Variants in HYDIN observed in about 807,000 individuals in gnomAD.
The protein encoded by HYDIN is HYDIN axonemal central pair apparatus protein, also known as axonemal central pair apparatus protein HYDIN.
In HYDIN, 132 loss-of-function variants were observed where a neutral mutation model predicts 403.9. The ratio of observed to expected loss-of-function variants is 0.33; its 90% confidence interval spans 0.28 to 0.38. HYDIN has a LOEUF of 0.38. HYDIN is among the 10% of genes least tolerant of loss of function. The pLI, the probability that HYDIN is intolerant of heterozygous loss-of-function variation, is 1.00. For missense variants in HYDIN, 2,827 were observed against 5,009.5 expected (o/e 0.56, Z 13.15); for synonymous variants, 1,202 against 1,891.7 (o/e 0.64, Z 9.46).
At chr16:71,041,674 A>T (rs1224438097) in intron 18 of HYDIN, among the ~76,000 whole-genome samples, 2 of 152,260 alleles carry the variant, frequency 1.3e-5, no homozygotes, top group Non-Finnish European at 2.9e-5. Flanking sequence ...ACCATAAAAA[A>T]TTCAGAAGAT....
chr16:70,881,351 G>A (rs1276655205), intron 60 of HYDIN, among the ~76,000 whole-genome samples: 12 of 144,122 alleles, frequency 8.3e-5, no homozygotes, highest in Admixed American at 7.4e-4. Context: ...GCTCATGCCC[G>A]TAATCCCAGC....
At chr16:71,037,226 T>C (rs1354196017) in intron 18 of HYDIN, among the ~76,000 whole-genome samples, 1 of 144,292 alleles carries the variant, frequency 6.9e-6, no homozygotes, top group African/African-American at 2.5e-5. Flanking sequence ...CTCAGCACAA[T>C]GTTGGGCACA....
At chr16:71,051,896 G>C (rs1051817494) in intron 18 of HYDIN, among the ~76,000 whole-genome samples, 1 of 152,128 alleles carries the variant, frequency 6.6e-6, no homozygotes, top group Admixed American at 6.5e-5. Context: ...AAATTCAATA[G>C]TGCTCCTATA....
In HYDIN at chr16:70,807,928, T is replaced by C; in HGVS notation, c.15018A>G (p.Ser5006=). The C allele has an allele frequency of 6.2e-7, 1 of 1,614,180 alleles. No individual in the cohort carries two copies. ...TGATATACTCTCCACCTGCGAGCGA[T>C]GATAGGATCAGGATGCCCTTGGTCT... The part of the protein sequence containing the change: ...LGETKGILIL[S]SLAGGEYIIP... The change falls in exon 86 of 86, where the codon TCA becomes TCG. Residue 5006 remains serine, a synonymous_variant. Transcript: ENST00000393567.
chr16:71,030,368 T>C (rs1054343803), intron 19 of HYDIN, among the ~76,000 whole-genome samples: 6 of 151,646 alleles, frequency 4.0e-5, no homozygotes, highest in Admixed American at 6.6e-5. Flanking sequence ...AAACCTTATA[T>C]ATGTGTGTGT....
intron 1 of HYDIN, among the ~76,000 whole-genome samples, chr16:71,199,784 T>A (rs1334886292): frequency 1.3e-5 from 2 of 152,090 alleles, no homozygotes. Context: ...AGAAAAGGAA[T>A]TTTTTTAAAA....
At chr16:71,178,740 C>T (rs1273675278) in intron 4 of HYDIN, among the ~76,000 whole-genome samples, 188 bp downstream of exon 4, 1 of 152,078 alleles carries the variant, frequency 6.6e-6, no homozygotes, top group Non-Finnish European at 1.5e-5. Context: ...GGTTAGGACT[C>T]AACATATAGC....
chr16:71,229,447 T>C (rs569061632), intron 1 of HYDIN, among the ~76,000 whole-genome samples: 2 of 152,220 alleles, frequency 1.3e-5, no homozygotes, highest in African/African-American at 2.4e-5. Context: ...TCCATACAAA[T>C]ACCTGTATGG....
At chr16:70,947,548 G>T (rs2077913455) in intron 41 of HYDIN, among the ~76,000 whole-genome samples, 1 of 151,190 alleles carries the variant, frequency 6.6e-6, no homozygotes, top group Admixed American at 6.6e-5. Flanking sequence ...GATGATGCTG[G>T]CCTCATAAAA....
chr16:70,949,673 C>T (rs2143912088), intron 41 of HYDIN, among the ~76,000 whole-genome samples: 1 of 152,286 alleles, frequency 6.6e-6, no homozygotes, highest in South Asian at 2.1e-4. Context: ...AGACCAATCG[C>T]CATCTCCCTG....
At chr16:71,046,622 T>C (rs1023152405) in intron 18 of HYDIN, among the ~76,000 whole-genome samples, 15 of 152,242 alleles carry the variant, frequency 9.9e-5, no homozygotes, top group African/African-American at 3.4e-4. Context: ...TTCTTCAGTC[T>C]CTGTCCTTTC....
intron 1 of HYDIN, among the ~76,000 whole-genome samples, chr16:71,210,419 G>T (rs772150572): frequency 7.2e-5 from 11 of 152,036 alleles, no homozygotes; most frequent in Non-Finnish European, 1.0e-4. Context: ...CAGAAAACCA[G>T]ATACCGTCTG....
intron 6 of HYDIN, among the ~76,000 whole-genome samples, chr16:71,153,908 T>C (rs937203897): frequency 2.0e-5 from 3 of 152,060 alleles, no homozygotes; most frequent in Non-Finnish European, 2.9e-5. Context: ...TCTTCCTAAA[T>C]AGGAAACCCA....
intron 20 of HYDIN, chr16:71,027,314 A>C (rs2080742714): frequency 7.6e-7 from 1 of 1,322,360 alleles, no homozygotes; most frequent in African/African-American, 1.5e-5. Flanking sequence ...GCTTTGGCTA[A>C]AAACTGGGTG....
chr16:71,196,071 G>T (rs2087685182), intron 1 of HYDIN, among the ~76,000 whole-genome samples: 1 of 152,176 alleles, frequency 6.6e-6, no homozygotes, highest in Admixed American at 6.5e-5. Flanking sequence ...TCATTTTCAT[G>T]ACTCATACCA....
rs566729584 is a variant in HYDIN, at chr16:70,866,372, G to A, written c.11311-43C>T. 2.9e-5 allele frequency: 24 copies of A among 833,898 alleles called. No individual in the cohort carries two copies. The African/African-American group carries it at 3.1e-4, about 11-fold the overall frequency. 51.7% of individuals were successfully genotyped at this position (833,898 alleles called of 1,614,324 possible). The stretch of plus-strand genomic sequence containing the variant: ...GTGTCCTCAGAGATGCAGAGCACAG[G>A]GACAGAAAAACTGACAATGGAATAG... On this transcript the variant is annotated intron_variant, in intron 66 of 85. Transcript: ENST00000393567.
At chr16:71,024,400 A>C (rs1437110287) in intron 21 of HYDIN, among the ~76,000 whole-genome samples, 2 of 152,008 alleles carry the variant, frequency 1.3e-5, no homozygotes, top group Non-Finnish European at 2.9e-5. Flanking sequence ...GCACTTGCTC[A>C]AGAAAGTCAT....
chr16:71,067,506 A>C (rs1259070918), intron 14 of HYDIN, 116 bp from the exon 15 acceptor site: 28 of 538,238 alleles, frequency 5.2e-5, no homozygotes, highest in Admixed American at 3.5e-4. Context: ...CTTTATGGAT[A>C]TATAGCATTT....
intron 71 of HYDIN, among the ~76,000 whole-genome samples, chr16:70,859,120 T>TA: frequency 6.6e-6 from 1 of 151,294 alleles, no homozygotes; most frequent in Non-Finnish European, 1.5e-5. Context: ...GCTAACACGG[T>TA]GAAACACTGT....
Sources: gnomAD v4.1 joint callset for allele counts (sites outside exome capture counted in the v4.1 genomes callset) on GRCh38, gnomAD v4.1.1 for gene constraint, MANE v1.5 for transcripts, NCBI Gene and HGNC (gene_info 2026-07-23, HGNC 2026-07-21) for gene names.